The following GSE1 variants were observed in gnomAD, a reference collection of about 807,000 sequenced individuals.
GSE1 encodes genetic suppressor element 1.
In GSE1, 32 loss-of-function variants were observed where a neutral mutation model predicts 112.6. The ratio of observed to expected loss-of-function variants is 0.28; its 90% CI spans 0.21 to 0.38. GSE1 has a LOEUF of 0.38. Ranked by LOEUF, GSE1 falls within the 10% of genes least tolerant of loss-of-function variation. The probability of loss-of-function intolerance (pLI) is 1.00; values close to 1 mark genes in which losing one functional copy is unlikely to be tolerated. For synonymous variants in GSE1, 1,115 were observed against 735.6 expected (o/e 1.52, Z -8.35); for missense variants, 2,348 against 1,699.2 (o/e 1.38, Z -6.71).
At chr16:85,282,083 A>G (rs2044873972) in intron 1 of GSE1, among the ~76,000 whole-genome samples, 1 of 151,134 alleles carries the variant, frequency 6.6e-6, no homozygotes, top group East Asian at 1.9e-4. Context: ...GCTGTAGTGC[A>G]GTGGCACGAT....
At chr16:85,454,168 G>C (rs572428257) in intron 2 of GSE1, among the ~76,000 whole-genome samples, 136 of 152,360 alleles carry the variant, frequency 8.9e-4, no homozygotes, top group African/African-American at 3.2e-3. Flanking sequence ...CATTTATTAA[G>C]GACTGGCAGC....
intron 2 of GSE1, among the ~76,000 whole-genome samples, chr16:85,528,639 TTTTG>T: frequency 5.8e-5 from 1 of 17,202 alleles, no homozygotes; most frequent in African/African-American, 3.0e-4. Flanking sequence ...GATTGCTGTT[TTTTG>T]TTTTGTTTTG....
intron 11 of GSE1, chr16:85,664,789 G>C: frequency 2.0e-6 from 1 of 506,238 alleles, no homozygotes; most frequent in Non-Finnish European, 3.5e-6. Flanking sequence ...ACGGACAGCT[G>C]TCTTTGGAGC....
At chr16:85,275,294 G>A (rs769761649) in intron 1 of GSE1, among the ~76,000 whole-genome samples, 1 of 152,194 alleles carries the variant, frequency 6.6e-6, no homozygotes, top group African/African-American at 2.4e-5. Flanking sequence ...CCTCCACACC[G>A]AAGGAAGGAC....
At chr16:85,663,997 G>T (rs1020230742) in intron 11 of GSE1, among the ~76,000 whole-genome samples, 1 of 152,266 alleles carries the variant, frequency 6.6e-6, no homozygotes, top group East Asian at 1.9e-4. Flanking sequence ...GTGGTCTGCT[G>T]GGTGTTGTGT....
rs768122336 is a variant in GSE1 at position 85,648,686 on chromosome 16, C to A, written c.361C>A (p.Pro121Thr). The change falls in exon 3 of 16, where the codon CCC becomes ACC. Residue 121 changes from proline (P) to threonine (T), a missense_variant. By Grantham distance (38) the Pro-to-Thr change is conservative (BLOSUM62 -1). Transcript: ENST00000253458. ...TGGGGGCCACAGCGTGCCCAGCACC[C>A]CCCCCGTGGTGACCATCGCTCCAAC... Reference protein sequence around the residue: ...PPGGHSVPSTPPVVTIAPTKT... With the variant: ...PPGGHSVPSTTPVVTIAPTKT... 5.6e-6 allele frequency: 9 copies of A among 1,607,942 alleles called. No homozygotes were observed. Among genetic ancestry groups the A allele is most frequent in the East Asian group, 4.5e-5 (2 of 44,548 alleles).
At chr16:85,614,465 A>T (rs1357008212) in intron 1 of GSE1, among the ~76,000 whole-genome samples, 1 of 152,054 alleles carries the variant, frequency 6.6e-6, no homozygotes, top group Non-Finnish European at 1.5e-5. Context: ...GGGGGCACTT[A>T]GAAATGTGCG....
chr16:85,232,791 A>G (rs1402379765), intron 1 of GSE1, among the ~76,000 whole-genome samples: 1 of 152,266 alleles, frequency 6.6e-6, no homozygotes, highest in African/African-American at 2.4e-5. Flanking sequence ...TGACCACCCC[A>G]GCTTTCTTAG....
intron 1 of GSE1, among the ~76,000 whole-genome samples, chr16:85,624,968 A>G (rs1356754389): frequency 6.6e-6 from 1 of 152,174 alleles, no homozygotes; most frequent in African/African-American, 2.4e-5. Context: ...GCTTACGTAA[A>G]GGGAAGTAAG....
At chr16:85,218,889 T>C (rs1597825858) in intron 1 of GSE1, among the ~76,000 whole-genome samples, 1 of 151,226 alleles carries the variant, frequency 6.6e-6, no homozygotes, top group East Asian at 1.9e-4. Flanking sequence ...CGGATTTTTC[T>C]TTTTTTTTGA....
chr16:85,546,821 G>T (rs1032541682), intron 2 of GSE1, among the ~76,000 whole-genome samples: 1 of 152,228 alleles, frequency 6.6e-6, no homozygotes, highest in African/African-American at 2.4e-5. Context: ...TGTCGTTACT[G>T]TCACCCCTGG....
At chr16:85,426,741 A>T (rs2049003191) in intron 2 of GSE1, among the ~76,000 whole-genome samples, 1 of 152,180 alleles carries the variant, frequency 6.6e-6, no homozygotes, top group Non-Finnish European at 1.5e-5. Context: ...AGATGGAAGG[A>T]TGGATGGATG....
intron 2 of GSE1, among the ~76,000 whole-genome samples, chr16:85,435,416 C>G (rs1175594733): frequency 4.6e-5 from 7 of 152,048 alleles, no homozygotes; most frequent in African/African-American, 1.7e-4. Flanking sequence ...CTCTAGAGAT[C>G]GAGACCTGCA....
intron 1 of GSE1, among the ~76,000 whole-genome samples, chr16:85,298,114 A>G (rs1197454288): frequency 6.6e-6 from 1 of 152,240 alleles, no homozygotes; most frequent in African/African-American, 2.4e-5. Flanking sequence ...AACGTGGGAC[A>G]TGTCCAGATC....
chr16:85,250,079 T>C (rs1282673362), intron 1 of GSE1, among the ~76,000 whole-genome samples: 1 of 152,234 alleles, frequency 6.6e-6, no homozygotes, highest in East Asian at 1.9e-4. Flanking sequence ...TCCTGCGGTG[T>C]TGGTCTGCGG....
chr16:85,353,137 C>T (rs1282750708), intron 1 of GSE1, among the ~76,000 whole-genome samples: 1 of 152,210 alleles, frequency 6.6e-6, no homozygotes, highest in Non-Finnish European at 1.5e-5. Flanking sequence ...AGGACGCAGT[C>T]TCAGATGGAG....
At chr16:85,663,315 A>T in intron 10 of GSE1, 29 bp from the exon 11 acceptor site, 2 of 1,611,780 alleles carry the variant, frequency 1.2e-6, no homozygotes, top group Non-Finnish European at 1.7e-6. Context: ...CAGTGGCTTC[A>T]AACTCATTTG....
At chr16:85,492,236 C>T (rs988462172) in intron 2 of GSE1, among the ~76,000 whole-genome samples, 3 of 152,048 alleles carry the variant, frequency 2.0e-5, no homozygotes, top group Non-Finnish European at 2.9e-5. Flanking sequence ...TAGAGGCTGC[C>T]GGAGGCTGCA....
At chr16:85,290,644 A>G (rs1183279304) in intron 1 of GSE1, among the ~76,000 whole-genome samples, 2 of 152,090 alleles carry the variant, frequency 1.3e-5, no homozygotes, top group East Asian at 3.9e-4. Context: ...CCTTTTTCCA[A>G]CATACACCGC....
Sources: allele counts gnomAD v4.1 joint callset (sites outside exome capture counted in the v4.1 genomes callset), GRCh38; gene constraint gnomAD v4.1.1; transcripts MANE v1.5; gene names NCBI Gene and HGNC (gene_info 2026-07-23, HGNC 2026-07-21).